MACROD2: variants seen among roughly 807,000 people sequenced by gnomAD.
The protein encoded by MACROD2 is mono-ADP ribosylhydrolase 2, also known as ADP-ribose glycohydrolase MACROD2.
In MACROD2, 36 loss-of-function variants were observed where a neutral mutation model predicts 70.4. The ratio of observed to expected loss-of-function variants is 0.51; its 90% CI spans 0.39 to 0.68. MACROD2 has a LOEUF of 0.68. MACROD2 is among the 30% of genes least tolerant of loss of function. The pLI, the probability that MACROD2 is intolerant of heterozygous loss-of-function variation, is 0.00. For missense variants in MACROD2, 496 were observed against 538.4 expected (o/e 0.92, Z 0.78); for synonymous variants, 172 against 178.8 (o/e 0.96, Z 0.30).
chr20:14,975,800 T>A (rs1302686985), intron 5 of MACROD2, among the ~76,000 whole-genome samples: 1 of 152,144 alleles, frequency 6.6e-6, no homozygotes, highest in African/African-American at 2.4e-5. Flanking sequence ...AAGTTGTATT[T>A]GAACCTGAGC....
At chr20:15,949,484 A>G (rs2065875791) in intron 12 of MACROD2, among the ~76,000 whole-genome samples, 1 of 152,166 alleles carries the variant, frequency 6.6e-6, no homozygotes, top group Non-Finnish European at 1.5e-5. Flanking sequence ...CATCAAGATG[A>G]GCATTCTCCA....
intron 2 of MACROD2, among the ~76,000 whole-genome samples, chr20:14,027,337 G>GTTA (rs2053184325): frequency 2.7e-5 from 4 of 150,780 alleles, no homozygotes; most frequent in Admixed American, 2.0e-4. Context: ...CTCTAAACTG[G>GTTA]TTATTCTAGT....
At chr20:15,468,602 A>G (rs1481076312) in intron 7 of MACROD2, among the ~76,000 whole-genome samples, 2 of 152,238 alleles carry the variant, frequency 1.3e-5, no homozygotes, top group Admixed American at 1.3e-4. Context: ...TTGTCTGGAC[A>G]TGGAAGCACC....
intron 3 of MACROD2, among the ~76,000 whole-genome samples, chr20:14,383,788 C>T (rs545007945): frequency 6.6e-6 from 1 of 152,070 alleles, no homozygotes; most frequent in Non-Finnish European, 1.5e-5. Context: ...ATTAAGCTGA[C>T]TTAAAGAGGT....
At chr20:14,861,857 G>T (rs2073321657) in intron 5 of MACROD2, among the ~76,000 whole-genome samples, 1 of 145,442 alleles carries the variant, frequency 6.9e-6, no homozygotes, top group Non-Finnish European at 1.5e-5. Context: ...TGCTGGCCAA[G>T]CAGGACCCCA....
At chr20:15,163,233 T>C (rs2076360559) in intron 5 of MACROD2, among the ~76,000 whole-genome samples, 1 of 151,744 alleles carries the variant, frequency 6.6e-6, no homozygotes, top group Non-Finnish European at 1.5e-5. Context: ...ACCTCAATTA[T>C]CACCATAAGC....
At chr20:14,843,954 T>C (rs1323830354) in intron 5 of MACROD2, among the ~76,000 whole-genome samples, 5 of 152,124 alleles carry the variant, frequency 3.3e-5, no homozygotes, top group South Asian at 2.1e-4. Flanking sequence ...TCTGGTACAA[T>C]TGGTACTGCC....
Position 16,044,567 on chromosome 20 carries a change from A to G in MACROD2, c.1232-4A>G, listed in dbSNP as rs1442336399. 2 of 1,602,606 alleles carry G rather than the reference A, an allele frequency of 1.2e-6. No homozygotes were observed. Among genetic ancestry groups the G allele is most frequent in the Admixed American group, 3.4e-5 (2 of 58,188 alleles). ...TTTAACTTTTTTTTTTTTTCTGGTG[A>G]CAGTTGAAATGAATAGTCAGGTTGA... On this transcript the variant is annotated splice_polypyrimidine_tract_variant and splice_region_variant and intron_variant, in intron 16 of 17. Transcript: ENST00000684519.
At chr20:14,189,796 A>G (rs2081370715) in intron 3 of MACROD2, among the ~76,000 whole-genome samples, 1 of 152,200 alleles carries the variant, frequency 6.6e-6, no homozygotes, top group African/African-American at 2.4e-5. Flanking sequence ...TGGGTTTAGG[A>G]TTCTTATATT....
At chr20:14,136,226 A>G (rs779080698) in intron 3 of MACROD2, among the ~76,000 whole-genome samples, 4 of 151,426 alleles carry the variant, frequency 2.6e-5, no homozygotes, top group Admixed American at 6.6e-5. Flanking sequence ...TTATTTTATT[A>G]AAAAAAACAA....
chr20:14,689,445 G>C (rs1267053042), intron 5 of MACROD2, among the ~76,000 whole-genome samples: 1 of 152,128 alleles, frequency 6.6e-6, no homozygotes, highest in African/African-American at 2.4e-5. Flanking sequence ...AAAGATATTT[G>C]ATGAATGAAT....
intron 6 of MACROD2, among the ~76,000 whole-genome samples, chr20:15,343,406 G>C (rs530241690): frequency 3.9e-5 from 6 of 152,256 alleles, no homozygotes; most frequent in South Asian, 2.1e-4. Context: ...TATCTTACTT[G>C]TTTGGCCAGA....
chr20:15,032,362 C>T (rs942964062), intron 5 of MACROD2, among the ~76,000 whole-genome samples: 3 of 152,244 alleles, frequency 2.0e-5, no homozygotes, highest in Non-Finnish European at 4.4e-5. Flanking sequence ...GCGCGCCTAC[C>T]CCTCTGCACC....
intron 6 of MACROD2, among the ~76,000 whole-genome samples, chr20:15,235,541 A>G (rs1264359142): frequency 6.6e-6 from 1 of 152,192 alleles, no homozygotes; most frequent in Non-Finnish European, 1.5e-5. Context: ...CATTGTGGCA[A>G]TCAAGCAATT....
At chr20:15,267,800 C>T (rs969018735) in intron 6 of MACROD2, among the ~76,000 whole-genome samples, 8 of 152,136 alleles carry the variant, frequency 5.3e-5, no homozygotes, top group African/African-American at 1.9e-4. Context: ...CTGCCAGTTG[C>T]GGAGGTGGGG....
intron 8 of MACROD2, among the ~76,000 whole-genome samples, chr20:15,549,919 C>T (rs886343731): frequency 1.3e-5 from 2 of 151,984 alleles, no homozygotes; most frequent in African/African-American, 4.8e-5. Flanking sequence ...TGCTTCATTC[C>T]AAATGCGACA....
chr20:14,845,169 G>C (rs936852041), intron 5 of MACROD2, among the ~76,000 whole-genome samples: 1 of 151,924 alleles, frequency 6.6e-6, no homozygotes, highest in Non-Finnish European at 1.5e-5. Context: ...ATGATTTCTC[G>C]TATGTAATTT....
intron 5 of MACROD2, among the ~76,000 whole-genome samples, chr20:15,194,011 C>T (rs781415474): frequency 1.1e-4 from 17 of 151,766 alleles, no homozygotes; most frequent in Non-Finnish European, 1.6e-4. Context: ...TTTGGGAGGC[C>T]AAGGCAGGCA....
At chr20:14,100,789 ATATAT>A (rs1009985324) in intron 3 of MACROD2, among the ~76,000 whole-genome samples, 4 of 138,368 alleles carry the variant, frequency 2.9e-5, no homozygotes, top group Middle Eastern at 3.8e-3. Flanking sequence ...ATTACATATT[ATATAT>A]TATATATGAT....
Sources: gnomAD v4.1 joint callset for allele counts (sites outside exome capture counted in the v4.1 genomes callset) on GRCh38, gnomAD v4.1.1 for gene constraint, MANE v1.5 for transcripts, NCBI Gene and HGNC (gene_info 2026-07-23, HGNC 2026-07-21) for gene names.